Variants in TAF1A observed in about 807,000 individuals in gnomAD.
The protein encoded by TAF1A is TATA-box binding protein associated factor, RNA polymerase I subunit A.
Under a neutral mutation model 61.6 loss-of-function variants are expected in TAF1A, and 42 were observed. The observed-to-expected ratio is 0.68, with a 90% CI of 0.53 to 0.88. TAF1A has a LOEUF of 0.88. Among genes scored for constraint, TAF1A ranks in the 40% least tolerant of loss-of-function variants. The probability of loss-of-function intolerance (pLI) is 0.00; values close to 1 mark genes in which losing one functional copy is unlikely to be tolerated. For missense variants in TAF1A, 424 were observed against 518.7 expected (o/e 0.82, Z 1.77); for synonymous variants, 179 against 177.7 (o/e 1.01, Z -0.06).
At chr1:222,577,072 C>T (rs1388035058) in intron 5 of TAF1A, among the ~76,000 whole-genome samples, 1 of 151,720 alleles carries the variant, frequency 6.6e-6, no homozygotes, top group Admixed American at 6.6e-5. Flanking sequence ...TTTAAGCTCC[C>T]CACCCCCACC....
intron 3 of TAF1A, among the ~76,000 whole-genome samples, chr1:222,583,218 G>C: frequency 6.6e-6 from 1 of 152,040 alleles, no homozygotes; most frequent in East Asian, 1.9e-4. Flanking sequence ...GAAAGTAATA[G>C]ATTAGTGGCT....
At chr1:222,580,486 A>G (rs922769145) in intron 3 of TAF1A, among the ~76,000 whole-genome samples, 1 of 152,260 alleles carries the variant, frequency 6.6e-6, no homozygotes, top group African/African-American at 2.4e-5. Context: ...CTCAATTTAA[A>G]GTAATCAATA....
At chr1:222,583,782 T>C (rs1242485299) in intron 3 of TAF1A, among the ~76,000 whole-genome samples, 3 of 147,986 alleles carry the variant, frequency 2.0e-5, no homozygotes, top group East Asian at 4.0e-4. Context: ...GAGATTGCAG[T>C]GAGCCGAGAT....
intron 7 of TAF1A, chr1:222,569,014 C>T (rs766391513): frequency 6.0e-6 from 1 of 166,528 alleles, no homozygotes; most frequent in Admixed American, 6.0e-5. Context: ...ACATGAAATT[C>T]TAGAAGAGAT....
Position 222,583,431 on chromosome 1 carries a change from A to AT in TAF1A, c.291+696_291+697insA, listed in dbSNP as rs1660876511. Among the ~76,000 whole-genome samples, 5 of 151,776 alleles carry AT rather than the reference A, an allele frequency of 3.3e-5. No homozygotes were observed. The South Asian group carries it at 1.0e-3, about 32-fold the overall frequency. On this transcript the variant is annotated intron_variant, in intron 3 of 10. Transcript: ENST00000352967. ...AAAAAACGTCTTGATAAAACGAAAA[A>AT]AAAAAGGATCACTCTAGTTGGAAAA...
chr1:222,579,745 G>C lies in TAF1A; in HGVS notation c.405+14C>G. The C allele has an allele frequency of 6.3e-7, 1 of 1,596,754 alleles. No individual in the cohort carries two copies. Among genetic ancestry groups the C allele is most frequent in the Non-Finnish European group, 8.5e-7 (1 of 1,175,300 alleles). ...AATACTGCAAGTGTAAATTCACAAAGCCCATATTCTCACCTTTAAATAATT... is the reference window on the plus strand; with the variant it reads ...AATACTGCAAGTGTAAATTCACAAACCCCATATTCTCACCTTTAAATAATT... On this transcript the variant is annotated intron_variant, in intron 4 of 10. Transcript: ENST00000352967.
intron 2 of TAF1A, 81 bp downstream of exon 2, chr1:222,588,362 T>C (rs2102686717): frequency 1.3e-6 from 2 of 1,497,510 alleles, no homozygotes; most frequent in Non-Finnish European, 1.8e-6. Context: ...ATTAAACCAG[T>C]CTGGTTATTC....
intron 7 of TAF1A, among the ~76,000 whole-genome samples, chr1:222,568,170 C>T (rs3002135): frequency 1 from 145,515 of 146,144 alleles, 72,446 homozygotes; most frequent in Middle Eastern, 1. Context: ...TAAAACTATA[C>T]AACACATCTA....
chr1:222,563,557 T>TA (rs1433309980), intron 8 of TAF1A, among the ~76,000 whole-genome samples: 1 of 152,214 alleles, frequency 6.6e-6, no homozygotes, highest in Non-Finnish European at 1.5e-5. Context: ...TACACTCCTC[T>TA]ACTAAGGACA....
At chr1:222,554,756 G>A (rs1659708362), downstream of TAF1A, among the ~76,000 whole-genome samples, 1 of 152,164 alleles carries the variant, frequency 6.6e-6, no homozygotes, top group South Asian at 2.1e-4. Flanking sequence ...CCCAGGCTAG[G>A]TGGGGGGCTT....
At chr1:222,576,775 A>C (rs1397184192) in intron 5 of TAF1A, among the ~76,000 whole-genome samples, 2 of 152,264 alleles carry the variant, frequency 1.3e-5, no homozygotes, top group Non-Finnish European at 2.9e-5. Context: ...CTAGGCACAC[A>C]GGAAGAAATG....
At chr1:222,571,150 T>C (rs918057702) in intron 5 of TAF1A, among the ~76,000 whole-genome samples, 11 of 151,942 alleles carry the variant, frequency 7.2e-5, no homozygotes, top group African/African-American at 1.7e-4. Context: ...ATCATCACAA[T>C]AGACACAGAA....
At chr1:222,559,994 C>T (rs924200947) in intron 10 of TAF1A, among the ~76,000 whole-genome samples, 2 of 152,066 alleles carry the variant, frequency 1.3e-5, no homozygotes, top group Non-Finnish European at 2.9e-5. Flanking sequence ...AGAGAAAAAG[C>T]TTAATAAACT....
At chr1:222,562,968 A>G (rs1659973598) in intron 9 of TAF1A, among the ~76,000 whole-genome samples, 6 of 152,210 alleles carry the variant, frequency 3.9e-5, no homozygotes, top group Admixed American at 3.9e-4. Context: ...TTTTGATGGC[A>G]TAAAAAAATT....
chr1:222,566,798 C>G (rs1157480138), intron 7 of TAF1A, among the ~76,000 whole-genome samples: 3 of 151,662 alleles, frequency 2.0e-5, no homozygotes, highest in Non-Finnish European at 4.4e-5. Flanking sequence ...TATCAATGAT[C>G]AAAAAAGGGG....
rs1660312838 is a variant in TAF1A, at chr1:222,570,643, A to G, written c.627T>C (p.Asn209=). 4 of 1,609,362 alleles carry G rather than the reference A, an allele frequency of 2.5e-6. No individual in the cohort carries two copies. Among genetic ancestry groups the G allele is most frequent in the Middle Eastern group, 1.6e-4 (1 of 6,068 alleles). The change falls in exon 6 of 11, where the codon AAT becomes AAC. Residue 209 remains asparagine, a synonymous_variant. Transcript: ENST00000352967. ...SKLDKDDYAY[N]AVAQDVFNHS... The stretch of plus-strand genomic sequence containing the variant: ...GGTTGAACACATCCTGGGCTACTGC[A>G]TTGTAAGCATAATCATCCTTATCTG...
At chr1:222,581,040 G>A (rs929972343) in intron 3 of TAF1A, among the ~76,000 whole-genome samples, 3 of 152,092 alleles carry the variant, frequency 2.0e-5, no homozygotes, top group Admixed American at 6.5e-5. Flanking sequence ...AGCTTGCAGC[G>A]AGCCAAGATC....
At chr1:222,574,541 G>A (rs981829078) in intron 5 of TAF1A, among the ~76,000 whole-genome samples, 1 of 152,002 alleles carries the variant, frequency 6.6e-6, no homozygotes, top group Non-Finnish European at 1.5e-5. Context: ...ATTAATAGGG[G>A]TTCATTTCAA....
chr1:222,557,674 C>A (rs1252945738), downstream of TAF1A, among the ~76,000 whole-genome samples: 1 of 151,742 alleles, frequency 6.6e-6, no homozygotes, highest in Non-Finnish European at 1.5e-5. Context: ...CCAGGATGGT[C>A]TCAATCTCTT....
Sources: allele counts gnomAD v4.1 joint callset (sites outside exome capture counted in the v4.1 genomes callset), GRCh38; gene constraint gnomAD v4.1.1; transcripts MANE v1.5; gene names NCBI Gene and HGNC (gene_info 2026-07-23, HGNC 2026-07-21).